The following CACNB4 variants were observed in gnomAD, a reference collection of about 807,000 sequenced individuals.
CACNB4 encodes calcium voltage-gated channel auxiliary subunit beta 4.
In CACNB4, 32 loss-of-function variants were observed where a neutral mutation model predicts 71.2. That is an observed-to-expected ratio of 0.45 (90% confidence interval 0.34 to 0.60). The LOEUF is 0.60. Among genes scored for constraint, CACNB4 ranks in the 20% least tolerant of loss-of-function variants. The probability of loss-of-function intolerance (pLI) is 0.01; values close to 1 mark genes in which losing one functional copy is unlikely to be tolerated. For synonymous variants in CACNB4, 231 were observed against 236.9 expected (o/e 0.97, Z 0.23); for missense variants, 464 against 647.9 (o/e 0.72, Z 3.08).
intron 2 of CACNB4, among the ~76,000 whole-genome samples, chr2:152,040,850 G>T (rs1170191811): frequency 1.3e-5 from 2 of 152,216 alleles, no homozygotes; most frequent in Non-Finnish European, 2.9e-5. Flanking sequence ...GGTGCCAAAT[G>T]ATGGTGATTA....
chr2:151,917,834 C>CA (rs35688438), intron 2 of CACNB4, among the ~76,000 whole-genome samples: 28,028 of 116,186 alleles, frequency 0.24, 4,160 homozygotes, highest in African/African-American at 0.38. Flanking sequence ...GACACTGTCT[C>CA]AAAAAAAAAA....
intron 2 of CACNB4, among the ~76,000 whole-genome samples, chr2:151,946,330 A>G (rs750545522): frequency 2.8e-4 from 30 of 108,452 alleles, no homozygotes; most frequent in Non-Finnish European, 4.2e-4. Flanking sequence ...ACTCTGTCGC[A>G]AAAAAAAAAA....
In CACNB4 at chr2:151,833,935, T is replaced by C. The variant is rs1325841743; in HGVS notation, c.*5184A>G. ...ATAAAATGCTTTCATTTTAATAACA[T>C]CCCAGAAAATATTGTAAGGCATATG... On this transcript the variant is annotated 3_prime_UTR_variant, in exon 14 of 14. Coordinates refer to ENST00000539935, the MANE Select transcript of CACNB4 (RefSeq NM_000726.5). 1 of 152,058 alleles carries C rather than the reference T, an allele frequency of 6.6e-6. No individual in the cohort carries two copies. Among genetic ancestry groups the C allele is most frequent in the African/African-American group, 2.4e-5 (1 of 41,428 alleles). The allele number at this position is 152,058 out of a possible 1,614,324, so 9.4% of individuals were successfully genotyped here.
At chr2:151,865,622 A>G (rs969261807) in intron 9 of CACNB4, among the ~76,000 whole-genome samples, 8 of 152,198 alleles carry the variant, frequency 5.3e-5, no homozygotes, top group Non-Finnish European at 8.8e-5. Flanking sequence ...GTAATCCCCA[A>G]TTAATATTTG....
At chr2:151,929,704 T>C (rs1294453062) in intron 2 of CACNB4, among the ~76,000 whole-genome samples, 1 of 152,206 alleles carries the variant, frequency 6.6e-6, no homozygotes, top group Non-Finnish European at 1.5e-5. Flanking sequence ...TACATTAATA[T>C]GTTAAAACTA....
chr2:152,026,549 T>A (rs1027235439), intron 2 of CACNB4, among the ~76,000 whole-genome samples: 21 of 152,200 alleles, frequency 1.4e-4, no homozygotes, highest in African/African-American at 5.1e-4. Flanking sequence ...CACGCGCAGC[T>A]AATTTTTGTA....
At chr2:151,877,725 T>C (rs1368964484) in intron 4 of CACNB4, among the ~76,000 whole-genome samples, 1 of 152,228 alleles carries the variant, frequency 6.6e-6, no homozygotes, top group East Asian at 1.9e-4. Context: ...TATATTTGTA[T>C]GTGAAATTTT....
chr2:151,846,126 T>C (rs2099837502), intron 12 of CACNB4, among the ~76,000 whole-genome samples: 1 of 152,194 alleles, frequency 6.6e-6, no homozygotes, highest in Admixed American at 6.5e-5. Context: ...AGTAATGCTC[T>C]TTACTAGGGA....
At position 151,883,379 on chromosome 2, in the gene CACNB4, G is replaced by GA. The variant is rs1351115210; in HGVS notation, c.148-10dup. On this transcript the variant is annotated splice_polypyrimidine_tract_variant and intron_variant, in intron 2 of 13. Coordinates refer to ENST00000539935, the MANE Select transcript of CACNB4 (RefSeq NM_000726.5). ...TAGGAATCCGCTGAACCCTGGCAAA[G>GA]AAAATAGAATAGTTTCAGATGATGT... 6.2e-7 allele frequency: 1 copy of GA among 1,613,644 alleles called. No individual in the cohort carries two copies. Among genetic ancestry groups the GA allele is most frequent in the South Asian group, 1.1e-5 (1 of 91,078 alleles).
chr2:151,980,974 C>T (rs148168427), intron 2 of CACNB4, among the ~76,000 whole-genome samples: 10 of 152,240 alleles, frequency 6.6e-5, no homozygotes, highest in Middle Eastern at 3.4e-3. Context: ...CAAGATGTCC[C>T]CTCTGTCAGG....
Position 151,899,529 on chromosome 2 carries a change from A to G in CACNB4, c.148-16159T>C, listed in dbSNP as rs59471708. On this transcript the variant is annotated intron_variant, in intron 2 of 13. Coordinates refer to ENST00000539935, the MANE Select transcript of CACNB4 (RefSeq NM_000726.5). ...TTTCTGTACACATAGTAGAGAAACT[A>G]TGCTTAATTGTTTAGTTTTAACTTC... Among the ~76,000 whole-genome samples the G allele has an allele frequency of 5.7e-3, 868 of 152,340 alleles. 10 individuals are homozygous for G. The highest frequency in any genetic ancestry group is 0.02 in the African/African-American group (840 of 41,562).
At chr2:152,049,169 T>A (rs527875285) in intron 2 of CACNB4, among the ~76,000 whole-genome samples, 2,310 of 150,370 alleles carry the variant, frequency 0.015, 59 homozygotes, top group African/African-American at 0.055. Context: ...CTTTTTTTTT[T>A]TTAAACTTTT....
intron 2 of CACNB4, among the ~76,000 whole-genome samples, chr2:151,932,056 T>A (rs1274187203): frequency 6.6e-6 from 1 of 152,100 alleles, no homozygotes; most frequent in East Asian, 1.9e-4. Context: ...CACCAGGCTG[T>A]TAATGTTGAC....
intron 2 of CACNB4, among the ~76,000 whole-genome samples, chr2:151,948,677 A>T (rs963456865): frequency 6.6e-6 from 1 of 152,024 alleles, no homozygotes; most frequent in Non-Finnish European, 1.5e-5. Context: ...AAAGAAAAAA[A>T]GTCTAAAATG....
At chr2:151,892,820 T>C (rs2099851054) in intron 2 of CACNB4, among the ~76,000 whole-genome samples, 1 of 152,186 alleles carries the variant, frequency 6.6e-6, no homozygotes, top group Non-Finnish European at 1.5e-5. Context: ...GAACCTTAAA[T>C]GGAGACCCCA....
intron 2 of CACNB4, among the ~76,000 whole-genome samples, chr2:152,030,749 C>T (rs1684241379): frequency 6.6e-6 from 1 of 152,214 alleles, no homozygotes; most frequent in African/African-American, 2.4e-5. Flanking sequence ...TTTCCAGCTG[C>T]CTCCATGTCC....
Position 151,836,538 on chromosome 2 carries a change from A to G in CACNB4, c.*2581T>C, listed in dbSNP as rs2099834939. On this transcript the variant is annotated 3_prime_UTR_variant, in exon 14 of 14. Transcript: ENST00000539935. Reference sequence around the variant, plus strand: ...GAAAGAATATTCCAAATTAAAGTAAACATTTAAATATATCCATCAATAAAA... The same window carrying G: ...GAAAGAATATTCCAAATTAAAGTAAGCATTTAAATATATCCATCAATAAAA... 2 of 152,058 alleles carry G rather than the reference A, an allele frequency of 1.3e-5. No homozygotes were observed. Among genetic ancestry groups the G allele is most frequent in the South Asian group, 2.1e-4 (1 of 4,832 alleles). The allele number at this position is 152,058 out of a possible 1,614,324, so 9.4% of individuals were successfully genotyped here.
chr2:151,921,213 T>A (rs2099858937), intron 2 of CACNB4, among the ~76,000 whole-genome samples: 1 of 151,328 alleles, frequency 6.6e-6, no homozygotes, highest in Non-Finnish European at 1.5e-5. Context: ...ACTTGATTGG[T>A]TTAGGAATTT....
At chr2:151,920,172 G>A (rs569565762) in intron 2 of CACNB4, among the ~76,000 whole-genome samples, 1 of 150,376 alleles carries the variant, frequency 6.6e-6, no homozygotes, top group Non-Finnish European at 1.5e-5. Flanking sequence ...ATTGTAATAG[G>A]AATAGAACAA....
Sources: gnomAD v4.1 joint callset for allele counts (sites outside exome capture counted in the v4.1 genomes callset) on GRCh38, gnomAD v4.1.1 for gene constraint, MANE v1.5 for transcripts, NCBI Gene and HGNC (gene_info 2026-07-23, HGNC 2026-07-21) for gene names.